Variants in SSC5D observed in about 807,000 individuals in gnomAD.
The protein encoded by SSC5D is scavenger receptor cysteine rich family member with 5 domains.
SSC5D carries 106 observed loss-of-function variants against 104.6 expected under a neutral mutation model. The observed-to-expected ratio is 1.01, with a 90% CI of 0.87 to 1.19. SSC5D has a LOEUF of 1.19. Among genes scored for constraint, SSC5D ranks in the 50% most tolerant of loss-of-function variants. The probability of loss-of-function intolerance (pLI) is 0.00; values close to 1 mark genes in which losing one functional copy is unlikely to be tolerated. For missense variants in SSC5D, 1,993 were observed against 2,153.8 expected, an observed-to-expected ratio of 0.93 and a Z score of 1.48; for synonymous variants, 860 against 883.5, an observed-to-expected ratio of 0.97 and a Z score of 0.47.
At position 55,489,586 on chromosome 19, in the gene SSC5D, G is replaced by A. The variant is rs1987070820; in HGVS notation, c.285G>A (p.Gln95=). Residue 95 remains glutamine (Q), a synonymous_variant, in exon 3 of 14, where the codon CAG becomes CAA. Transcript: ENST00000389623. ...SELACRGNEG[Q]LGLCHHRGWK... ...TGGCTTGCCGGGGCAACGAGGGGCA[G>A]CTGGGCCTCTGCCACCACCGGGGCT... is the stretch of plus-strand genomic sequence containing the variant. 2.0e-6 allele frequency: 3 copies of A among 1,523,586 alleles called. No homozygotes were observed. Among genetic ancestry groups the A allele is most frequent in the South Asian group, 1.2e-5 (1 of 82,624 alleles). 94.4% of individuals were successfully genotyped at this position (1,523,586 alleles called of 1,614,324 possible).
chr19:55,501,127 G>T lies in SSC5D; in HGVS notation c.2711G>T (p.Gly904Val). 6.4e-7 allele frequency: 1 copy of T among 1,551,500 alleles called. No homozygotes were observed. Among genetic ancestry groups the T allele is most frequent in the South Asian group, 1.2e-5 (1 of 84,054 alleles). The change falls in exon 12 of 14, where the codon GGA becomes GTA. Residue 904 changes from glycine to valine, a missense_variant. Coordinates refer to ENST00000389623, the MANE Select transcript of SSC5D (RefSeq NM_001144950.2). ...AKGTTTAGVP[G>V]HTLPWRTTRR... ...GGGACTACCACAGCGGGGGTACCTG[G>T]ACACACTCTCCCCTGGAGGACCACC...
chr19:55,497,883 C>T lies in SSC5D; in HGVS notation c.1391C>T (p.Ser464Phe), dbSNP rs940961201. 21 of 1,530,752 alleles carry T rather than the reference C, an allele frequency of 1.4e-5. No homozygotes were observed. Among genetic ancestry groups the T allele is most frequent in the East Asian group, 4.9e-5 (2 of 40,490 alleles). 94.8% of individuals were successfully genotyped at this position (1,530,752 alleles called of 1,614,324 possible). A position where few individuals can be genotyped will look rare whatever the true frequency, so the allele number is the denominator to read the frequency against. ...CTTTGGGTCTCTTCTACCCCAGGGT[C>T]CCCCCAGCTGCGCCTGGTGGCTGGG... is the stretch of plus-strand genomic sequence containing the variant. ...VLWEPGPEAG[S>F]PQLRLVAGPS... is the part of the protein sequence containing the mutation. The change falls in exon 9 of 14, where the codon TCC becomes TTC. Residue 464 changes from serine (S) to phenylalanine (F), a missense_variant. By Grantham distance (155) the Ser-to-Phe change is radical (BLOSUM62 -2). Coordinates refer to ENST00000389623, the MANE Select transcript of SSC5D (RefSeq NM_001144950.2).
In SSC5D at chr19:55,493,921, G is replaced by A; in HGVS notation, c.1213+9G>A. 1 of 1,539,350 alleles carries A rather than the reference G, an allele frequency of 6.5e-7. No individual in the cohort carries two copies. The highest frequency in any genetic ancestry group is 8.7e-7 in the Non-Finnish European group (1 of 1,145,708). The stretch of plus-strand genomic sequence containing the variant: ...CGGGGCCGTGTGTGACGGTGAGGGG[G>A]TTGTGGTGGAGGACCGGGAGGTGGG... On this transcript the variant is annotated intron_variant, in intron 7 of 13. Transcript: ENST00000389623.
rs1376861302 is a variant in SSC5D at position 55,498,045 on chromosome 19, C to G, written c.1553C>G (p.Pro518Arg). 5 of 1,551,756 alleles carry G rather than the reference C, an allele frequency of 3.2e-6. No homozygotes were observed. Among genetic ancestry groups the G allele is most frequent in the South Asian group, 1.2e-5 (1 of 84,062 alleles). ...TGTGGTGGACCTCAGCAGCCAGACC[C>G]TGCTGCTGGCCGCTTTGGCTGGGGT... Reference protein sequence around the residue: ...LGCGGPQQPDPAAGRFGWGAG... With the variant: ...LGCGGPQQPDRAAGRFGWGAG... Residue 518 changes from proline (P) to arginine (R), a missense_variant, in exon 9 of 14, where the codon CCT becomes CGT. Physicochemically the swap from Pro to Arg is moderately radical, Grantham distance 103. Coordinates refer to ENST00000389623, the MANE Select transcript of SSC5D (RefSeq NM_001144950.2).
Position 55,500,485 on chromosome 19 carries a change from C to G in SSC5D, c.2303-5C>G. ...TCCCTCCTGACCTAAGGGCCTTCCA[C>G]GCAGGCCTGTTCCGGGTTCGTCTGG... On this transcript the variant is annotated splice_polypyrimidine_tract_variant and splice_region_variant and intron_variant, in intron 10 of 13. Coordinates refer to ENST00000389623, the MANE Select transcript of SSC5D (RefSeq NM_001144950.2). This position sits in a 1 kb window ranked among gnomAD's most constrained non-coding sequence, Gnocchi z 4.6. 1 of 1,550,998 alleles carries G rather than the reference C, an allele frequency of 6.4e-7. No homozygotes were observed. Among genetic ancestry groups the G allele is most frequent in the African/African-American group, 1.4e-5 (1 of 73,146 alleles).
intron 9 of SSC5D, among the ~76,000 whole-genome samples, chr19:55,498,630 TA>T (rs1436597606): frequency 6.6e-6 from 1 of 152,214 alleles, no homozygotes; most frequent in African/African-American, 2.4e-5. Context: ...CAATGCCTGT[TA>T]TTAAATTGCA....
chr19:55,517,147 C>A (rs1987888878), intron 13 of SSC5D, 77 bp from the exon 14 acceptor site: 1 of 1,362,246 alleles, frequency 7.3e-7, no homozygotes, highest in Non-Finnish European at 9.9e-7. Context: ...GTCGGCTCCT[C>A]GAGGGGCGGG....
At position 55,503,794 on chromosome 19, in the gene SSC5D, C is replaced by A. The variant is rs528875116; in HGVS notation, c.2785+2593C>A. ...AAGCCTCCCGCTCCCGCAGGAGAGT[C>A]TCGCCGCAAGCGTCCTTTCCCGCCT... On this transcript the variant is annotated intron_variant, in intron 12 of 13. Coordinates refer to ENST00000389623, the MANE Select transcript of SSC5D (RefSeq NM_001144950.2). The surrounding 1 kb of genome is among the most constrained non-coding windows in gnomAD (Gnocchi z 4.0). 3.6e-3 allele frequency among the ~76,000 whole-genome samples: 537 copies of A among 150,862 alleles called. 6 individuals carry two copies. The highest frequency in any genetic ancestry group is 0.013 in the African/African-American group (521 of 41,066).
intron 8 of SSC5D, among the ~76,000 whole-genome samples, chr19:55,496,538 C>G (rs1987330136): frequency 6.6e-6 from 1 of 152,142 alleles, no homozygotes; most frequent in Non-Finnish European, 1.5e-5. Flanking sequence ...GTGACTGATG[C>G]TGTTCCCAGT....
rs1286283191 is a variant in SSC5D at position 55,513,162 on chromosome 19, T to C, written c.2937T>C (p.His979=). The C allele has an allele frequency of 3.3e-6, 5 of 1,505,106 alleles. No individual in the cohort carries two copies. Among genetic ancestry groups the C allele is most frequent in the African/African-American group, 2.8e-5 (2 of 71,472 alleles). 93.2% of individuals were successfully genotyped at this position (1,505,106 alleles called of 1,614,324 possible). ...SPGSPPTLRV[H]GDTGSPRKPW... ...GCAGTCCTCCAACTCTGAGAGTCCATGGAGACACAGGTGAGACACGTGGCT... is the reference window on the plus strand; with the variant it reads ...GCAGTCCTCCAACTCTGAGAGTCCACGGAGACACAGGTGAGACACGTGGCT... Residue 979 remains histidine, a synonymous_variant, in exon 13 of 14, where the codon CAT becomes CAC. Transcript: ENST00000389623.
At chr19:55,507,339 C>CAAA (rs36021371) in intron 12 of SSC5D, among the ~76,000 whole-genome samples, 19 of 32,686 alleles carry the variant, frequency 5.8e-4, no homozygotes, top group East Asian at 9.4e-4. Context: ...GACCCCGTCT[C>CAAA]AAAAAAAAAA....
Position 55,518,233 on chromosome 19 carries a change from C to CA in SSC5D, c.3958dup (p.Thr1320AsnfsTer10). The CA allele has an allele frequency of 4.1e-6, 6 of 1,480,162 alleles. No homozygotes were observed. Among genetic ancestry groups the CA allele is most frequent in the Non-Finnish European group, 5.4e-6 (6 of 1,111,286 alleles). The allele number at this position is 1,480,162 out of a possible 1,614,324, so 91.7% of individuals were successfully genotyped here. On this transcript the variant is annotated frameshift_variant, in exon 14 of 14. Transcript: ENST00000389623. LOFTEE classifies it low-confidence loss of function (END_TRUNC). ...CTTACCCCACCACTACTCCTGATCC[C>CA]ACCACGACCCCTCACCCCACAACTC...
At chr19:55,516,963 G>T (rs1257429179) in intron 13 of SSC5D, among the ~76,000 whole-genome samples, 3 of 150,798 alleles carry the variant, frequency 2.0e-5, no homozygotes, top group Non-Finnish European at 4.4e-5. Context: ...ACCCGCTCCC[G>T]CAACCCGCGT....
rs1384207011 is a variant in SSC5D at position 55,517,302 on chromosome 19, C to A, written c.3026C>A (p.Pro1009Gln). ...AGGACAGCGCCCCCAACCCCGTCCC[C>A]AGGTCCCTCCGCCTCTCCGGGACCC... ...ATRTAPPTPS[P>Q]GPSASPGPPG... Residue 1009 changes from proline (P) to glutamine (Q), a missense_variant, in exon 14 of 14, where the codon CCA (proline) becomes CAA (glutamine). This residue lies in a region of SSC5D where 423 missense variants were observed against 409.2 expected (regional missense o/e 1.03). Transcript: ENST00000389623. The A allele has an allele frequency of 6.5e-7, 1 of 1,549,278 alleles. No individual in the cohort carries two copies. Among genetic ancestry groups the A allele is most frequent in the South Asian group, 1.2e-5 (1 of 84,042 alleles).
In SSC5D at chr19:55,497,866, C is replaced by T; in HGVS notation, c.1388-14C>T. The T allele has an allele frequency of 6.6e-7, 1 of 1,509,464 alleles. No homozygotes were observed. 93.5% of individuals were successfully genotyped at this position (1,509,464 alleles called of 1,614,324 possible). A position where few individuals can be genotyped will look rare whatever the true frequency, so the allele number is the denominator to read the frequency against. On this transcript the variant is annotated splice_polypyrimidine_tract_variant and intron_variant, in intron 8 of 13. Coordinates refer to ENST00000389623, the MANE Select transcript of SSC5D (RefSeq NM_001144950.2). Reference sequence around the variant, plus strand: ...CTTCCCCGACTCTAATTCTTTGGGTCTCTTCTACCCCAGGGTCCCCCCAGC... The same window carrying T: ...CTTCCCCGACTCTAATTCTTTGGGTTTCTTCTACCCCAGGGTCCCCCCAGC...
At chr19:55,490,607 G>A (rs1381435323) in intron 5 of SSC5D, among the ~76,000 whole-genome samples, 165 bp from the exon 6 acceptor site, 1 of 152,180 alleles carries the variant, frequency 6.6e-6, no homozygotes, top group Admixed American at 6.5e-5. Flanking sequence ...GGAGGCCCAG[G>A]TGTCCTGGCC....
At chr19:55,513,780 G>C (rs1987809549) in intron 13 of SSC5D, among the ~76,000 whole-genome samples, 1 of 152,084 alleles carries the variant, frequency 6.6e-6, no homozygotes, top group Non-Finnish European at 1.5e-5. Context: ...CCATAACAAA[G>C]AACCACCCAG....
At position 55,498,029 on chromosome 19, in the gene SSC5D, C is replaced by T; in HGVS notation, c.1537C>T (p.Pro513Ser). Residue 513 changes from proline to serine, a missense_variant, in exon 9 of 14, where the codon CCT (proline) becomes TCT (serine). Pro to Ser is a moderately conservative substitution (Grantham distance 74, BLOSUM62 -1). This residue lies in a region of SSC5D where 1,101 missense variants were observed against 1,085.0 expected (regional missense o/e 1.01). Coordinates refer to ENST00000389623, the MANE Select transcript of SSC5D (RefSeq NM_001144950.2). ...VVCRELGCGG[P>S]QQPDPAAGRF... Reference sequence around the variant, plus strand: ...CTGCCGGGAGCTGGGCTGTGGTGGACCTCAGCAGCCAGACCCTGCTGCTGG... The same window carrying T: ...CTGCCGGGAGCTGGGCTGTGGTGGATCTCAGCAGCCAGACCCTGCTGCTGG... 1 of 1,551,722 alleles carries T rather than the reference C, an allele frequency of 6.4e-7. No individual in the cohort carries two copies. The highest frequency in any genetic ancestry group is 1.7e-4 in the Middle Eastern group (1 of 5,992).
chr19:55,501,157 G>A lies in SSC5D; in HGVS notation c.2741G>A (p.Arg914His), dbSNP rs780185928. The A allele has an allele frequency of 2.3e-5, 35 of 1,547,542 alleles. No homozygotes were observed. Among genetic ancestry groups the A allele is most frequent in the South Asian group, 1.9e-4 (16 of 83,616 alleles). The change falls in exon 12 of 14, where the codon CGC becomes CAC. Residue 914 changes from arginine (R) to histidine (H), a missense_variant. Transcript: ENST00000389623. ...GHTLPWRTTR[R>H]PGSSSPAIRR... ...ACTCTCCCCTGGAGGACCACCCGGC[G>A]CCCGGGTAGCTCCTCCCCAGCAATA...
Sources: gnomAD v4.1 joint callset for allele counts (sites outside exome capture counted in the v4.1 genomes callset) on GRCh38, gnomAD v4.1.1 for gene constraint, gnomAD v4.1.1 regional missense constraint, Gnocchi (gnomAD v3.1) non-coding constraint, MANE v1.5 for transcripts, NCBI Gene and HGNC (gene_info 2026-07-23, HGNC 2026-07-21) for gene names.